The following DSCAM variants were observed in gnomAD, a reference collection of about 807,000 sequenced individuals.
DSCAM encodes cell adhesion molecule DSCAM.
Under a neutral mutation model 217.7 loss-of-function variants are expected in DSCAM, and 47 were observed. The ratio of observed to expected loss-of-function variants is 0.22; its 90% confidence interval spans 0.17 to 0.28. The LOEUF (loss-of-function observed/expected upper bound fraction) is 0.28, where lower values mean the gene tolerates loss of function less well. DSCAM is among the 10% of genes least tolerant of loss of function. DSCAM has a pLI of 1.00. For synonymous variants in DSCAM, 1,056 were observed against 1,015.3 expected, an observed-to-expected ratio of 1.04 and a Z score of -0.76; for missense variants, 2,080 against 2,618.3, an observed-to-expected ratio of 0.79 and a Z score of 4.49.
At chr21:40,777,860 C>T (rs1486949459) in intron 1 of DSCAM, among the ~76,000 whole-genome samples, 1 of 151,876 alleles carries the variant, frequency 6.6e-6, no homozygotes, top group Non-Finnish European at 1.5e-5. Context: ...AATTACAGAA[C>T]ATCAAAAACA....
At chr21:40,401,787 G>A (rs2123776779) in intron 3 of DSCAM, among the ~76,000 whole-genome samples, 1 of 152,140 alleles carries the variant, frequency 6.6e-6, no homozygotes, top group East Asian at 1.9e-4. Flanking sequence ...CCCAGCCCAA[G>A]CCAGGGCCTT....
intron 3 of DSCAM, among the ~76,000 whole-genome samples, chr21:40,539,276 G>A (rs1036428896): frequency 1.1e-4 from 17 of 152,132 alleles, no homozygotes; most frequent in Non-Finnish European, 2.2e-4. Context: ...AGGCTGAGGC[G>A]GGCGGATCAC....
At chr21:40,122,680 A>G (rs892477555) in intron 20 of DSCAM, among the ~76,000 whole-genome samples, 1 of 152,200 alleles carries the variant, frequency 6.6e-6, no homozygotes, top group Non-Finnish European at 1.5e-5. Flanking sequence ...AAAACCACAT[A>G]AGAAGCCCAG....
intron 1 of DSCAM, among the ~76,000 whole-genome samples, chr21:40,832,327 A>G (rs151269435): frequency 6.6e-6 from 1 of 152,370 alleles, no homozygotes; most frequent in Non-Finnish European, 1.5e-5. Context: ...TGGTCACTCA[A>G]GTGTCCACAC....
intron 32 of DSCAM, among the ~76,000 whole-genome samples, chr21:40,028,227 G>C (rs1348730558): frequency 1.8e-5 from 2 of 111,932 alleles, no homozygotes; most frequent in African/African-American, 3.5e-5. Context: ...CTTCTCAGAT[G>C]TCCAGCTGCG....
Position 40,042,603 on chromosome 21 carries a change from G to C in DSCAM, c.5454C>G (p.Tyr1818Ter). The C allele has an allele frequency of 6.2e-7, 1 of 1,614,086 alleles. No individual in the cohort carries two copies. Among genetic ancestry groups the C allele is most frequent in the Non-Finnish European group, 8.5e-7 (1 of 1,180,032 alleles). Residue 1818 changes from tyrosine to a stop codon, truncating the protein, a stop_gained, in exon 32 of 33, where the codon TAC becomes TAG. Coordinates refer to ENST00000400454, the MANE Select transcript of DSCAM (RefSeq NM_001389.5). LOFTEE classifies it high-confidence loss of function. The part of the protein sequence containing the change: ...SSTYEELARA[Y>*]EHAKMEEQLR... ...GTTGCTCTTCCATCTTGGCGTGTTCGTAGGCCCTGGCCAGTTCTTCGTAAG... is the reference window on the plus strand; with the variant it reads ...GTTGCTCTTCCATCTTGGCGTGTTCCTAGGCCCTGGCCAGTTCTTCGTAAG...
At chr21:40,431,841 T>A (rs1012541641) in intron 3 of DSCAM, among the ~76,000 whole-genome samples, 8 of 152,304 alleles carry the variant, frequency 5.3e-5, no homozygotes, top group Non-Finnish European at 1.0e-4. Flanking sequence ...TAGTTTCTTG[T>A]GGCTATTGTA....
At chr21:40,193,523 T>G (rs543554473) in intron 11 of DSCAM, among the ~76,000 whole-genome samples, 51 of 152,180 alleles carry the variant, frequency 3.4e-4, no homozygotes, top group African/African-American at 1.2e-3. Context: ...GACACCCACA[T>G]ATAATTTAGC....
At chr21:40,311,412 G>C (rs1013551589) in intron 9 of DSCAM, among the ~76,000 whole-genome samples, 3 of 152,134 alleles carry the variant, frequency 2.0e-5, no homozygotes, top group Admixed American at 2.0e-4. Context: ...TTGGTGACTT[G>C]AATAGAAGTT....
chr21:40,433,478 G>T (rs2075555402), intron 3 of DSCAM, among the ~76,000 whole-genome samples: 1 of 151,942 alleles, frequency 6.6e-6, no homozygotes, highest in Non-Finnish European at 1.5e-5. Context: ...TCCAACCCCT[G>T]CACGGGACTG....
intron 3 of DSCAM, among the ~76,000 whole-genome samples, chr21:40,496,826 C>A (rs2076122293): frequency 6.6e-6 from 1 of 151,892 alleles, no homozygotes. Context: ...AAAAAATGGC[C>A]AAAGAACCTG....
intron 1 of DSCAM, among the ~76,000 whole-genome samples, chr21:40,747,144 CAACTCAAG>C (rs1450774282): frequency 2.6e-5 from 4 of 151,426 alleles, no homozygotes; most frequent in Non-Finnish European, 5.9e-5. Context: ...TCCAATGTCA[CAACTCAAG>C]AAATTAGAAA....
intron 30 of DSCAM, among the ~76,000 whole-genome samples, chr21:40,047,406 T>C (rs2088858879): frequency 6.6e-6 from 1 of 152,160 alleles, no homozygotes; most frequent in African/African-American, 2.4e-5. Flanking sequence ...CATTCTAATA[T>C]AAATAAAACT....
At position 40,450,453 on chromosome 21, in the gene DSCAM, A is replaced by T. The variant is rs372335494; in HGVS notation, c.509-81208T>A. Among the ~76,000 whole-genome samples, 7 of 152,322 alleles carry T rather than the reference A, an allele frequency of 4.6e-5. No homozygotes were observed. In the South Asian group the frequency reaches 1.4e-3, roughly 32 times the overall value. Reference sequence around the variant, plus strand: ...GAAACTCAGCACTTTGCTTTCAGTAATGAAAAAAAATGTTATTTACCCAGA... The same window carrying T: ...GAAACTCAGCACTTTGCTTTCAGTATTGAAAAAAAATGTTATTTACCCAGA... On this transcript the variant is annotated intron_variant, in intron 3 of 32. Transcript: ENST00000400454.
chr21:40,121,202 A>G (rs989224574), intron 20 of DSCAM, among the ~76,000 whole-genome samples: 2 of 152,236 alleles, frequency 1.3e-5, no homozygotes, highest in African/African-American at 4.8e-5. Flanking sequence ...TAGTTTACCG[A>G]CTGAAAGTCA....
chr21:40,393,800 A>T (rs2075155065), intron 3 of DSCAM, among the ~76,000 whole-genome samples: 1 of 152,206 alleles, frequency 6.6e-6, no homozygotes, highest in African/African-American at 2.4e-5. Context: ...CATGTGCTCA[A>T]TGAATATTGT....
rs753348025 is a variant in DSCAM at position 40,115,597 on chromosome 21, G to A, written c.3696+8598C>T. Among the ~76,000 whole-genome samples the A allele has an allele frequency of 1.2e-4, 19 of 152,060 alleles. 1 individual carries two copies. The highest frequency in any genetic ancestry group is 1.9e-4 in the Non-Finnish European group (13 of 67,964). Reference sequence around the variant, plus strand: ...AAAAAGAAATGCAAATCAAAACCACGATGAGATATCATCTCACACCAGGCA... The same window carrying A: ...AAAAAGAAATGCAAATCAAAACCACAATGAGATATCATCTCACACCAGGCA... On this transcript the variant is annotated intron_variant, in intron 20 of 32. Transcript: ENST00000400454.
At chr21:40,547,568 G>A (rs879931751) in intron 3 of DSCAM, among the ~76,000 whole-genome samples, 5 of 152,164 alleles carry the variant, frequency 3.3e-5, no homozygotes, top group Admixed American at 1.3e-4. Context: ...GAGACAGAAC[G>A]CAAAGTAGGT....
rs149337020 is a variant in DSCAM, at chr21:40,333,726, T to C, written c.1783+4375A>G. Among the ~76,000 whole-genome samples the C allele has an allele frequency of 2.4e-4, 37 of 152,348 alleles. No individual in the cohort carries two copies. The East Asian group carries it at 6.9e-3, about 29-fold the overall frequency. On this transcript the variant is annotated intron_variant, in intron 8 of 32. Transcript: ENST00000400454. ...TCTGAGTAAAGGCTAAGATTGCGAA[T>C]GGTGTAAAACTGTTACTGTGTTTTG...
Sources: gnomAD v4.1 joint callset for allele counts (sites outside exome capture counted in the v4.1 genomes callset) on GRCh38, gnomAD v4.1.1 for gene constraint, MANE v1.5 for transcripts, NCBI Gene and HGNC (gene_info 2026-07-23, HGNC 2026-07-21) for gene names.